The following PRPH2 variants were observed in gnomAD, a reference collection of about 807,000 sequenced individuals.
PRPH2 encodes peripherin 2.
Under a neutral mutation model 31.3 loss-of-function variants are expected in PRPH2, and 17 were observed. The observed-to-expected ratio is 0.54, with a 90% CI of 0.37 to 0.81. PRPH2 has a LOEUF of 0.81. PRPH2 is among the 40% of genes least tolerant of loss of function. The pLI is 0.00. For synonymous variants in PRPH2, 165 were observed against 184.4 expected, an observed-to-expected ratio of 0.89 and a Z score of 0.85; for missense variants, 430 against 439.7, an observed-to-expected ratio of 0.98 and a Z score of 0.20.
chr6:42,707,665 G>T (rs1187735198), intron 1 of PRPH2, among the ~76,000 whole-genome samples: 1 of 152,172 alleles, frequency 6.6e-6, no homozygotes, highest in East Asian at 1.9e-4. Flanking sequence ...CTTTTGGTGT[G>T]CTCAAGGGCC....
At chr6:42,699,962 CTT>C (rs70990126) in intron 2 of PRPH2, among the ~76,000 whole-genome samples, 2 of 137,870 alleles carry the variant, frequency 1.5e-5, no homozygotes, top group Admixed American at 7.3e-5. Flanking sequence ...ATTGTTTTCA[CTT>C]TTTTTTTTTT....
At chr6:42,718,167 C>T (rs1013688965) in intron 1 of PRPH2, among the ~76,000 whole-genome samples, 3 of 151,890 alleles carry the variant, frequency 2.0e-5, no homozygotes, top group Non-Finnish European at 4.4e-5. Flanking sequence ...GAAAATTAGC[C>T]AGATGTGGTG....
rs746744932 is a variant in PRPH2, at chr6:42,722,289, A to G, written c.46T>C (p.Leu16=). Residue 16 remains leucine (L), a synonymous_variant, in exon 1 of 3, where the codon TTG becomes CTG. Coordinates refer to ENST00000230381, the MANE Select transcript of PRPH2 (RefSeq NM_000322.5). The surrounding 1 kb of genome is among the most constrained non-coding windows in gnomAD (Gnocchi z 4.4). ...TTCATGAGCCAGAGCCCTTGGGCCA[A>G]CTTGACCCGCTTCTTCTGGTCAAAC... ...VKFDQKKRVK[L]AQGLWLMNWF... is the part of the protein sequence containing the mutation. 5 of 1,614,102 alleles carry G rather than the reference A, an allele frequency of 3.1e-6. No individual in the cohort carries two copies. The highest frequency in any genetic ancestry group is 4.2e-6 in the Non-Finnish European group (5 of 1,180,030).
chr6:42,710,865 G>A (rs1032475958), intron 1 of PRPH2, among the ~76,000 whole-genome samples: 5 of 152,204 alleles, frequency 3.3e-5, no homozygotes, highest in African/African-American at 9.7e-5. Flanking sequence ...CAAGCAGAAC[G>A]CTGGCTGAGG....
At position 42,713,974 on chromosome 6, in the gene PRPH2, A is replaced by G. The variant is rs1461768833; in HGVS notation, c.581+7780T>C. ...ACAGGGAAAGACAGGGAGAAGAGGG[A>G]GAAAAGCAAGACTTCCCGTACCCCA... On this transcript the variant is annotated intron_variant, in intron 1 of 2. Coordinates refer to ENST00000230381, the MANE Select transcript of PRPH2 (RefSeq NM_000322.5). 9.4e-5 allele frequency among the ~76,000 whole-genome samples: 14 copies of G among 148,384 alleles called. No individual in the cohort carries two copies. The South Asian group carries it at 2.8e-3, about 30-fold the overall frequency.
intron 2 of PRPH2, among the ~76,000 whole-genome samples, chr6:42,701,925 T>C (rs938839325): frequency 2.6e-5 from 4 of 152,044 alleles, no homozygotes; most frequent in Admixed American, 1.3e-4. Context: ...GTCATGAATA[T>C]GCTGTGTTTG....
rs1164967896 is a variant in PRPH2 at position 42,697,907 on chromosome 6, AAG to A, written c.*386_*387del. The stretch of plus-strand genomic sequence containing the variant: ...TAGAGTGAAGCAACATGGAGCTCAT[AAG>A]AGGTAAATTCTAAAAGGGGAGCAGC... On this transcript the variant is annotated 3_prime_UTR_variant, in exon 3 of 3. Transcript: ENST00000230381. 4.4e-6 allele frequency: 1 copy of A among 228,366 alleles called. No homozygotes were observed. The highest frequency in any genetic ancestry group is 8.7e-6 in the Non-Finnish European group (1 of 114,886). 14.1% of individuals were successfully genotyped at this position (228,366 alleles called of 1,614,324 possible).
chr6:42,704,684 G>A (rs1328628418), intron 1 of PRPH2, 73 bp from the exon 2 acceptor site: 1 of 1,603,268 alleles, frequency 6.2e-7, no homozygotes, highest in Non-Finnish European at 8.5e-7. Context: ...CCCAACCCCT[G>A]CCTCTGGAAA....
Position 42,709,728 on chromosome 6 carries a change from C to T in PRPH2, c.582-5117G>A, listed in dbSNP as rs573230762. On this transcript the variant is annotated intron_variant, in intron 1 of 2. Coordinates refer to ENST00000230381, the MANE Select transcript of PRPH2 (RefSeq NM_000322.5). ...GGCTGCCATTGGTGACACCCCAGCTCCCTCACCAACCTCATCTCCCCCTTA... is the reference window on the plus strand; with the variant it reads ...GGCTGCCATTGGTGACACCCCAGCTTCCTCACCAACCTCATCTCCCCCTTA... 2.6e-5 allele frequency among the ~76,000 whole-genome samples: 4 copies of T among 152,246 alleles called. No individual in the cohort carries two copies. In the East Asian group the frequency reaches 7.7e-4, roughly 29 times the overall value.
Position 42,698,111 on chromosome 6 carries a change from T to C in PRPH2, c.*184A>G. 1 of 784,778 alleles carries C rather than the reference T, an allele frequency of 1.3e-6. No individual in the cohort carries two copies. Among genetic ancestry groups the C allele is most frequent in the Non-Finnish European group, 2.0e-6 (1 of 497,764 alleles). The allele number at this position is 784,778 out of a possible 1,614,324, so 48.6% of individuals were successfully genotyped here. On this transcript the variant is annotated 3_prime_UTR_variant, in exon 3 of 3. Coordinates refer to ENST00000230381, the MANE Select transcript of PRPH2 (RefSeq NM_000322.5). ...CTTCATTCACATTTTGGGTCAGTCA[T>C]TCAACAACTGTGTGTCAAATGCTTT...
chr6:42,713,090 T>G (rs1761703543), intron 1 of PRPH2, among the ~76,000 whole-genome samples: 1 of 151,814 alleles, frequency 6.6e-6, no homozygotes. Context: ...CCAGGTATGA[T>G]GGTGGGCACC....
At chr6:42,707,428 G>T (rs1800189203) in intron 1 of PRPH2, among the ~76,000 whole-genome samples, 1 of 152,118 alleles carries the variant, frequency 6.6e-6, no homozygotes, top group Non-Finnish European at 1.5e-5. Flanking sequence ...GCATCAAAGG[G>T]TGATCTTGCC....
At chr6:42,710,174 C>G (rs1486697026) in intron 1 of PRPH2, among the ~76,000 whole-genome samples, 1 of 152,128 alleles carries the variant, frequency 6.6e-6, no homozygotes, top group Non-Finnish European at 1.5e-5. Flanking sequence ...ACTGGGGCTC[C>G]CTGAAGACGG....
chr6:42,719,479 G>C (rs1210591912), intron 1 of PRPH2, among the ~76,000 whole-genome samples: 4 of 151,376 alleles, frequency 2.6e-5, no homozygotes, highest in Non-Finnish European at 5.9e-5. Context: ...TGGCTTCAGT[G>C]GACTTCTTAT....
chr6:42,722,581 C>T lies in PRPH2; in HGVS notation c.-247G>A, dbSNP rs1761927458. The T allele has an allele frequency of 3.6e-6, 5 of 1,391,240 alleles. No homozygotes were observed. In the South Asian group the frequency reaches 7.6e-5, roughly 21 times the overall value. 86.2% of individuals were successfully genotyped at this position (1,391,240 alleles called of 1,614,324 possible). On this transcript the variant is annotated 5_prime_UTR_variant, in exon 1 of 3. Transcript: ENST00000230381. The surrounding 1 kb of genome is among the most constrained non-coding windows in gnomAD (Gnocchi z 4.4). Reference sequence around the variant, plus strand: ...GTCCTGGTCCTGGGCGTTGTTTCTTCAGCGCCCTTCCCAGCCAAGAAGGGG... The same window carrying T: ...GTCCTGGTCCTGGGCGTTGTTTCTTTAGCGCCCTTCCCAGCCAAGAAGGGG...
At chr6:42,716,843 C>T (rs1166931398) in intron 1 of PRPH2, among the ~76,000 whole-genome samples, 8 of 150,366 alleles carry the variant, frequency 5.3e-5, no homozygotes, top group Non-Finnish European at 1.0e-4. Flanking sequence ...TGTTCTCAAA[C>T]TCCTGACCTC....
intron 1 of PRPH2, among the ~76,000 whole-genome samples, chr6:42,713,834 C>T (rs537051516): frequency 3.4e-5 from 5 of 145,728 alleles, no homozygotes; most frequent in East Asian, 4.2e-4. Flanking sequence ...GCAGGAGAAT[C>T]GCTTGAACCC....
chr6:42,705,631 T>TATATATATATATATATATATATA (rs1562424355), intron 1 of PRPH2, among the ~76,000 whole-genome samples: 4 of 126,590 alleles, frequency 3.2e-5, no homozygotes, highest in Admixed American at 8.2e-5. Context: ...TATATATATA[T>TATATATATATATATATATATATA]TTGTGCACTT....
At chr6:42,718,967 A>G (rs992755705) in intron 1 of PRPH2, among the ~76,000 whole-genome samples, 5 of 152,110 alleles carry the variant, frequency 3.3e-5, no homozygotes, top group African/African-American at 1.2e-4. Context: ...TCCCAGCCCT[A>G]ATTGTGTCTT....
Sources: allele counts gnomAD v4.1 joint callset (sites outside exome capture counted in the v4.1 genomes callset), GRCh38; gene constraint gnomAD v4.1.1; non-coding constraint Gnocchi (gnomAD v3.1); transcripts MANE v1.5; gene names NCBI Gene and HGNC (gene_info 2026-07-23, HGNC 2026-07-21).